TENM4: variants seen among roughly 807,000 people sequenced by gnomAD.
TENM4 encodes teneurin-4.
TENM4 carries 82 observed loss-of-function variants against 243.3 expected under a neutral mutation model. That is an observed-to-expected ratio of 0.34 (90% confidence interval 0.28 to 0.40). The LOEUF (loss-of-function observed/expected upper bound fraction) is 0.40. Ranked by LOEUF, TENM4 falls within the 10% of genes least tolerant of loss-of-function variation. The probability of loss-of-function intolerance (pLI) is 1.00; values close to 1 mark genes in which losing one functional copy is unlikely to be tolerated. For synonymous variants in TENM4, 1,412 were observed against 1,456.3 expected (o/e 0.97, Z 0.69); for missense variants, 3,138 against 3,673.3 (o/e 0.85, Z 3.77).
rs771124363 is a variant in TENM4, at chr11:78,756,827, C to T, written c.2734G>A (p.Gly912Arg). The change falls in exon 19 of 34, where the codon GGG becomes AGG. Residue 912 changes from glycine to arginine, a missense_variant. Gly to Arg is a moderately radical substitution (Grantham distance 125, BLOSUM62 -2). Transcript: ENST00000278550. ...VGRDSTHIIPGENPFDGGHAC... is the reference protein window; with the variant it reads ...VGRDSTHIIPRENPFDGGHAC... ...CACCCTCCATCAAAGGGGTTCTCCC[C>T]GGGGATTATGTGCGTGCTGTCCCTG... 37 of 1,613,548 alleles carry T rather than the reference C, an allele frequency of 2.3e-5. 1 individual carries two copies. The highest frequency in any genetic ancestry group is 1.5e-4 in the South Asian group (14 of 90,958).
intron 4 of TENM4, among the ~76,000 whole-genome samples, chr11:79,139,757 TTATA>T (rs1443289460): frequency 4.9e-5 from 1 of 20,348 alleles, no homozygotes; most frequent in Non-Finnish European, 1.1e-4. Context: ...ATAATATATA[TTATA>T]TTTATATAAA....
At chr11:78,981,729 G>A (rs1344881533) in intron 6 of TENM4, among the ~76,000 whole-genome samples, 3 of 152,174 alleles carry the variant, frequency 2.0e-5, no homozygotes, top group South Asian at 4.1e-4. Flanking sequence ...TGAAGCTAAC[G>A]ATAATCATTG....
intron 3 of TENM4, among the ~76,000 whole-genome samples, chr11:79,174,984 A>G (rs1419154168): frequency 6.6e-6 from 1 of 152,130 alleles, no homozygotes; most frequent in Non-Finnish European, 1.5e-5. Flanking sequence ...ATCCTAAGTA[A>G]TATACTATCT....
At chr11:78,809,867 A>C (rs1255353628) in intron 14 of TENM4, among the ~76,000 whole-genome samples, 1 of 152,138 alleles carries the variant, frequency 6.6e-6, no homozygotes, top group African/African-American at 2.4e-5. Context: ...TCTTTCCCCC[A>C]AAAATGCCAT....
intron 6 of TENM4, among the ~76,000 whole-genome samples, chr11:78,921,563 G>T (rs1357092403): frequency 2.3e-4 from 35 of 152,332 alleles, no homozygotes. Context: ...TGACTGTACA[G>T]CATAGCGGGG....
intron 2 of TENM4, among the ~76,000 whole-genome samples, chr11:79,272,905 T>C (rs1428912336): frequency 6.6e-6 from 1 of 152,170 alleles, no homozygotes; most frequent in Admixed American, 6.5e-5. Flanking sequence ...GGATGTACCT[T>C]GTACATAGCG....
chr11:79,307,359 C>G (rs1856643168), intron 1 of TENM4, among the ~76,000 whole-genome samples: 1 of 152,130 alleles, frequency 6.6e-6, no homozygotes, highest in African/African-American at 2.4e-5. Flanking sequence ...AGTGATGCCA[C>G]CTTCCACCGG....
intron 29 of TENM4, among the ~76,000 whole-genome samples, chr11:78,686,680 A>C (rs1164128941): frequency 6.6e-6 from 1 of 152,206 alleles, no homozygotes; most frequent in Non-Finnish European, 1.5e-5. Flanking sequence ...TGCTTGCTTC[A>C]TGGTGGGGAG....
At chr11:79,228,427 C>T (rs746806775) in intron 2 of TENM4, among the ~76,000 whole-genome samples, 40 of 152,312 alleles carry the variant, frequency 2.6e-4, no homozygotes, top group Admixed American at 1.6e-3. Flanking sequence ...TGAACTGCCG[C>T]ATGCCTCACC....
At chr11:79,031,646 G>A (rs918177743) in intron 6 of TENM4, among the ~76,000 whole-genome samples, 16 of 152,168 alleles carry the variant, frequency 1.1e-4, no homozygotes, top group African/African-American at 3.6e-4. Context: ...TCAAGGTGAG[G>A]GGTTTAGGAC....
chr11:78,666,642 T>C (rs972575608), intron 32 of TENM4, among the ~76,000 whole-genome samples: 2 of 152,220 alleles, frequency 1.3e-5, no homozygotes, highest in African/African-American at 4.8e-5. Context: ...CCAGCATGAT[T>C]GTAGTGGAAG....
At chr11:79,361,808 A>C (rs1857594826) in intron 1 of TENM4, among the ~76,000 whole-genome samples, 1 of 152,234 alleles carries the variant, frequency 6.6e-6, no homozygotes, top group Admixed American at 6.5e-5. Context: ...GGGATTTCAA[A>C]TATGCTGGAA....
chr11:79,096,501 A>ACCCCG (rs1861079437), intron 4 of TENM4: 2 of 70,934 alleles, frequency 2.8e-5, no homozygotes, highest in East Asian at 1.0e-3. Flanking sequence ...ACCCCACCCC[A>ACCCCG]CCCCCACTCT....
At chr11:79,178,374 T>A (rs1863211225) in intron 3 of TENM4, among the ~76,000 whole-genome samples, 1 of 152,046 alleles carries the variant, frequency 6.6e-6, no homozygotes, top group Admixed American at 6.5e-5. Flanking sequence ...GGTTTAAACC[T>A]GGAGGTTGTA....
chr11:78,657,117 G>C lies in TENM4; in HGVS notation c.*941C>G. The C allele has an allele frequency of 2.5e-6, 1 of 398,654 alleles. No homozygotes were observed. The allele number at this position is 398,654 out of a possible 1,614,324, so 24.7% of individuals were successfully genotyped here. On this transcript the variant is annotated 3_prime_UTR_variant, in exon 34 of 34. Transcript: ENST00000278550. ...GCCATGGGTGGCCTTCTGTTCTGTG[G>C]ACATGGTGCCCACATTGAAGGCTTG...
rs1454336989 is a variant in TENM4 at position 78,655,626 on chromosome 11, G to A, written c.*2432C>T. The A allele has an allele frequency of 3.9e-5, 6 of 152,280 alleles. No homozygotes were observed. In the East Asian group the frequency reaches 1.2e-3, roughly 29 times the overall value. 9.4% of individuals were successfully genotyped at this position (152,280 alleles called of 1,614,324 possible). Reference sequence around the variant, plus strand: ...GAGGGGGCTGTGGAGGAGGGACAGGGCGTGGGGGAAGCGTAGGGAGCTGGT... The same window carrying A: ...GAGGGGGCTGTGGAGGAGGGACAGGACGTGGGGGAAGCGTAGGGAGCTGGT... On this transcript the variant is annotated 3_prime_UTR_variant, in exon 34 of 34. Coordinates refer to ENST00000278550, the MANE Select transcript of TENM4 (RefSeq NM_001098816.3).
At chr11:79,344,876 G>A (rs998346574) in intron 1 of TENM4, among the ~76,000 whole-genome samples, 1 of 152,202 alleles carries the variant, frequency 6.6e-6, no homozygotes, top group Admixed American at 6.5e-5. Flanking sequence ...ATGCACTTGA[G>A]AGCTGAGATA....
chr11:78,708,478 C>T lies in TENM4; in HGVS notation c.4092G>A (p.Val1364=), dbSNP rs760281982. ...CGATGCGTCTGATCATGGTGCCATC[C>T]ACGAAGTAGATCAGCCCAAACTTGT... ...TVDKFGLIYF[V]DGTMIRRIDQ... The change falls in exon 27 of 34, where the codon GTG becomes GTA. Residue 1364 remains valine (V), a synonymous_variant. Coordinates refer to ENST00000278550, the MANE Select transcript of TENM4 (RefSeq NM_001098816.3). 3.7e-6 allele frequency: 6 copies of T among 1,613,996 alleles called. No individual in the cohort carries two copies. The Admixed American group carries it at 8.3e-5, about 22-fold the overall frequency.
intron 2 of TENM4, among the ~76,000 whole-genome samples, chr11:79,289,573 A>AT (rs2135379317): frequency 6.6e-6 from 1 of 152,276 alleles, no homozygotes; most frequent in South Asian, 2.1e-4. Context: ...ATCAGCTGAC[A>AT]TTTTTGCTGT....
Sources: allele counts gnomAD v4.1 joint callset (sites outside exome capture counted in the v4.1 genomes callset), GRCh38; gene constraint gnomAD v4.1.1; transcripts MANE v1.5; gene names NCBI Gene and HGNC (gene_info 2026-07-23, HGNC 2026-07-21).